The following PCDH9 variants were observed in gnomAD, a reference collection of about 807,000 sequenced individuals.
The protein encoded by PCDH9 is protocadherin-9.
PCDH9 carries 24 observed loss-of-function variants against 70.6 expected under a neutral mutation model. The ratio of observed to expected loss-of-function variants is 0.34; its 90% CI spans 0.25 to 0.48. The LOEUF (loss-of-function observed/expected upper bound fraction) is 0.48, where lower values mean the gene tolerates loss of function less well. PCDH9 is among the 20% of genes least tolerant of loss of function. PCDH9 has a pLI of 0.99. For synonymous variants in PCDH9, 562 were observed against 558.5 expected (o/e 1.01, Z -0.09); for missense variants, 1,281 against 1,503.6 (o/e 0.85, Z 2.45).
chr13:66,654,817 TC>T (rs1457745683), intron 3 of PCDH9, among the ~76,000 whole-genome samples: 1 of 152,054 alleles, frequency 6.6e-6, no homozygotes, highest in African/African-American at 2.4e-5. Flanking sequence ...CAAGCAATCC[TC>T]CCACCTTAGC....
intron 4 of PCDH9, among the ~76,000 whole-genome samples, chr13:66,325,822 A>G (rs1339768311): frequency 6.6e-6 from 1 of 152,182 alleles, no homozygotes; most frequent in Non-Finnish European, 1.5e-5. Flanking sequence ...AAAAATAGTC[A>G]CAGAATTAGA....
chr13:67,022,209 C>T (rs553398590), intron 2 of PCDH9, among the ~76,000 whole-genome samples: 2 of 141,282 alleles, frequency 1.4e-5, no homozygotes, highest in East Asian at 4.4e-4. Context: ...GGGCTCACTG[C>T]AACCTCCGCC....
At chr13:67,198,556 G>T (rs2089132816) in intron 2 of PCDH9, among the ~76,000 whole-genome samples, 1 of 151,786 alleles carries the variant, frequency 6.6e-6, no homozygotes, top group Admixed American at 6.6e-5. Context: ...TGTGGCATGT[G>T]AAACATACCA....
intron 3 of PCDH9, among the ~76,000 whole-genome samples, chr13:66,698,232 T>G (rs562250408): frequency 6.6e-6 from 1 of 152,280 alleles, no homozygotes; most frequent in African/African-American, 2.4e-5. Context: ...GTGAATCTAC[T>G]TAATGCCACC....
intron 3 of PCDH9, among the ~76,000 whole-genome samples, chr13:66,641,472 A>G (rs2077707979): frequency 1.3e-5 from 2 of 152,194 alleles, no homozygotes; most frequent in Admixed American, 6.5e-5. Context: ...CTCGCAGTGT[A>G]TGGAAATATG....
intron 4 of PCDH9, among the ~76,000 whole-genome samples, chr13:66,409,893 A>C (rs2138319644): frequency 6.6e-6 from 1 of 152,144 alleles, no homozygotes; most frequent in African/African-American, 2.4e-5. Flanking sequence ...AGATATGCCT[A>C]CTCCACATTC....
chr13:66,455,740 C>A (rs1053932425), intron 4 of PCDH9, among the ~76,000 whole-genome samples: 55 of 152,060 alleles, frequency 3.6e-4, no homozygotes, highest in Non-Finnish European at 7.8e-4. Context: ...TATTGTTTTA[C>A]TATAGAGTAT....
rs534043931 is a variant in PCDH9, at chr13:66,475,684, A to C, written c.3340+155526T>G. Among the ~76,000 whole-genome samples the C allele has an allele frequency of 5.3e-5, 8 of 152,196 alleles. No individual in the cohort carries two copies. The East Asian group carries it at 1.5e-3, about 29-fold the overall frequency. ...TTGATACGAATTCTATTTAGTAATG[A>C]ACCCTCAAAATGGTCTCCTGTCAGA... On this transcript the variant is annotated intron_variant, in intron 4 of 4. Transcript: ENST00000377865.
At chr13:66,946,486 A>C (rs2083089577) in intron 2 of PCDH9, among the ~76,000 whole-genome samples, 1 of 152,140 alleles carries the variant, frequency 6.6e-6, no homozygotes. Flanking sequence ...CATGGGCAAC[A>C]CAGCGAGATC....
At chr13:67,121,708 T>C (rs1021282008) in intron 2 of PCDH9, among the ~76,000 whole-genome samples, 1 of 152,220 alleles carries the variant, frequency 6.6e-6, no homozygotes, top group Non-Finnish European at 1.5e-5. Flanking sequence ...TGGCTATGTC[T>C]GTAAGAAAAA....
chr13:66,572,539 G>A (rs1438872207), intron 4 of PCDH9, among the ~76,000 whole-genome samples: 1 of 152,014 alleles, frequency 6.6e-6, no homozygotes, highest in African/African-American at 2.4e-5. Context: ...CAAGTGACAG[G>A]ATTACATTCC....
chr13:66,882,715 G>C (rs571160660), intron 3 of PCDH9, among the ~76,000 whole-genome samples: 1 of 152,090 alleles, frequency 6.6e-6, no homozygotes, highest in South Asian at 2.1e-4. Flanking sequence ...TAAATCCAAG[G>C]TATCAGCAAC....
chr13:66,396,031 A>T (rs1273266857), intron 4 of PCDH9, among the ~76,000 whole-genome samples: 1 of 152,170 alleles, frequency 6.6e-6, no homozygotes, highest in Admixed American at 6.5e-5. Flanking sequence ...GATATAAACA[A>T]AAAGAGTTAG....
At chr13:66,839,292 T>C (rs926742186) in intron 3 of PCDH9, among the ~76,000 whole-genome samples, 1 of 152,186 alleles carries the variant, frequency 6.6e-6, no homozygotes, top group Non-Finnish European at 1.5e-5. Flanking sequence ...TGTCTCTAGA[T>C]ATCTCAACAG....
At chr13:66,653,315 A>T (rs2077878837) in intron 3 of PCDH9, among the ~76,000 whole-genome samples, 1 of 152,204 alleles carries the variant, frequency 6.6e-6, no homozygotes, top group Non-Finnish European at 1.5e-5. Flanking sequence ...TCAACAGGAA[A>T]AAAACCCTAT....
chr13:66,601,741 T>G (rs1035477343), intron 4 of PCDH9, among the ~76,000 whole-genome samples: 1 of 145,978 alleles, frequency 6.9e-6, no homozygotes, highest in Non-Finnish European at 1.5e-5. Context: ...GTATAGGATG[T>G]GATCTAAAAA....
chr13:66,934,366 C>T (rs771982136), intron 2 of PCDH9, among the ~76,000 whole-genome samples: 3 of 151,542 alleles, frequency 2.0e-5, no homozygotes, highest in African/African-American at 4.8e-5. Flanking sequence ...ACCCCGAAAC[C>T]CCGTCTCTAG....
intron 2 of PCDH9, among the ~76,000 whole-genome samples, chr13:67,083,667 C>A (rs2086033444): frequency 6.6e-6 from 1 of 152,130 alleles, no homozygotes; most frequent in South Asian, 2.1e-4. Context: ...AGCCTTAAGG[C>A]CTCCCTAAAT....
At chr13:66,727,794 C>T (rs2079024760) in intron 3 of PCDH9, among the ~76,000 whole-genome samples, 1 of 151,818 alleles carries the variant, frequency 6.6e-6, no homozygotes, top group Non-Finnish European at 1.5e-5. Context: ...AAAAAGAATG[C>T]CTATGTTTCA....
Sources: gnomAD v4.1 joint callset for allele counts (sites outside exome capture counted in the v4.1 genomes callset) on GRCh38, gnomAD v4.1.1 for gene constraint, MANE v1.5 for transcripts, NCBI Gene and HGNC (gene_info 2026-07-23, HGNC 2026-07-21) for gene names.